Variants in CSMD1 observed in about 807,000 individuals in gnomAD.
The protein encoded by CSMD1 is CUB and sushi domain-containing protein 1.
A neutral mutation model predicts 417.5 loss-of-function variants in CSMD1; 213 were observed. The observed-to-expected ratio is 0.51, with a 90% CI of 0.46 to 0.57. The LOEUF is 0.57. CSMD1 is among the 20% of genes least tolerant of loss of function. The pLI is 0.00. For synonymous variants in CSMD1, 2,862 were observed against 1,736.8 expected (o/e 1.65, Z -16.11); for missense variants, 6,923 against 4,529.7 (o/e 1.53, Z -15.17).
chr8:3,161,518 G>A (rs1287016380), intron 38 of CSMD1, among the ~76,000 whole-genome samples: 1 of 151,314 alleles, frequency 6.6e-6, no homozygotes, highest in Non-Finnish European at 1.5e-5. Flanking sequence ...TTGGGAGGCT[G>A]AGGCAGGAGA....
At chr8:4,235,936 T>C (rs1178210099) in intron 3 of CSMD1, among the ~76,000 whole-genome samples, 3 of 152,022 alleles carry the variant, frequency 2.0e-5, no homozygotes, top group Non-Finnish European at 4.4e-5. Context: ...CATTTGTGTT[T>C]ACCGTGAAAT....
chr8:4,794,813 G>A (rs1165080537), intron 1 of CSMD1, among the ~76,000 whole-genome samples: 2 of 152,148 alleles, frequency 1.3e-5, no homozygotes, highest in South Asian at 4.1e-4. Context: ...GCACTCAATG[G>A]TCCAAGTTAC....
At chr8:4,938,505 A>G (rs1265168264) in intron 1 of CSMD1, among the ~76,000 whole-genome samples, 3 of 152,222 alleles carry the variant, frequency 2.0e-5, no homozygotes, top group Non-Finnish European at 4.4e-5. Flanking sequence ...TCGATGGTAT[A>G]GACACCTGGT....
intron 23 of CSMD1, among the ~76,000 whole-genome samples, chr8:3,328,480 C>T (rs1041861308): frequency 2.0e-5 from 3 of 152,202 alleles, no homozygotes; most frequent in African/African-American, 7.2e-5. Flanking sequence ...TGTTGCTACA[C>T]CCTCCAAATA....
chr8:4,081,001 T>A (rs924745753), intron 3 of CSMD1, among the ~76,000 whole-genome samples: 1 of 152,112 alleles, frequency 6.6e-6, no homozygotes, highest in African/African-American at 2.4e-5. Context: ...ACAGTATTCA[T>A]CCCCTTTTCG....
intron 1 of CSMD1, among the ~76,000 whole-genome samples, chr8:4,652,115 T>A (rs1390845198): frequency 1.3e-5 from 2 of 152,212 alleles, no homozygotes; most frequent in Middle Eastern, 3.4e-3. Flanking sequence ...AAATTAATAA[T>A]AAAGGAGATT....
At chr8:3,963,348 C>T (rs189022486) in intron 5 of CSMD1, among the ~76,000 whole-genome samples, 57 of 152,206 alleles carry the variant, frequency 3.7e-4, no homozygotes, top group African/African-American at 1.3e-3. Flanking sequence ...TTGGAAAGAA[C>T]GTGTGGTGTT....
intron 2 of CSMD1, among the ~76,000 whole-genome samples, chr8:4,453,739 G>T (rs79363637): frequency 4.0e-5 from 6 of 149,912 alleles, no homozygotes; most frequent in African/African-American, 4.9e-5. Context: ...ATCCCCAAAC[G>T]TAATTCCGGG....
chr8:4,241,491 G>T (rs997045383), intron 3 of CSMD1, among the ~76,000 whole-genome samples: 1 of 152,140 alleles, frequency 6.6e-6, no homozygotes, highest in Non-Finnish European at 1.5e-5. Context: ...GTGAGGATGT[G>T]TCTTTGAATG....
chr8:4,366,989 G>C (rs539273693), intron 3 of CSMD1, among the ~76,000 whole-genome samples: 2 of 152,182 alleles, frequency 1.3e-5, no homozygotes, highest in Admixed American at 6.5e-5. Context: ...CTCCCATTCT[G>C]GAGGTTGTCT....
rs971957404 is a variant in CSMD1 at position 2,987,792 on chromosome 8, A to C, written c.8378-8992T>G. On this transcript the variant is annotated intron_variant, in intron 54 of 69. Coordinates refer to ENST00000635120, the MANE Select transcript of CSMD1 (RefSeq NM_033225.6). ...GCAGCTTCGGGGAGACTGGAGTCTCAGGGTCCCTGGGCTCACACCAACCTC... is the reference window on the plus strand; with the variant it reads ...GCAGCTTCGGGGAGACTGGAGTCTCCGGGTCCCTGGGCTCACACCAACCTC... Among the ~76,000 whole-genome samples, 3 of 152,200 alleles carry C rather than the reference A, an allele frequency of 2.0e-5. No individual in the cohort carries two copies. In the East Asian group the frequency reaches 5.8e-4, roughly 29 times the overall value.
At chr8:4,431,846 G>C (rs572013634) in intron 2 of CSMD1, among the ~76,000 whole-genome samples, 242 of 152,104 alleles carry the variant, frequency 1.6e-3, no homozygotes, top group African/African-American at 5.5e-3. Flanking sequence ...CGAAATGTGG[G>C]CCTATTTTCT....
At chr8:3,583,545 GGA>G (rs1231332435) in intron 9 of CSMD1, among the ~76,000 whole-genome samples, 1 of 152,034 alleles carries the variant, frequency 6.6e-6, no homozygotes, top group African/African-American at 2.4e-5. Flanking sequence ...GGACAGCTAA[GGA>G]GAGTTGCAGG....
intron 26 of CSMD1, among the ~76,000 whole-genome samples, chr8:3,281,981 C>T (rs10105689): frequency 0.73 from 110,243 of 151,932 alleles, 40,875 homozygotes; most frequent in Admixed American, 0.83. Context: ...TCCCCTTCCC[C>T]GGTCGTGGAA....
intron 7 of CSMD1, among the ~76,000 whole-genome samples, chr8:3,657,211 C>T (rs1015359308): frequency 1.3e-5 from 2 of 152,160 alleles, no homozygotes; most frequent in Non-Finnish European, 2.9e-5. Flanking sequence ...TACATCATTT[C>T]ATTATGCCTT....
At chr8:3,248,667 G>C (rs535617053) in intron 26 of CSMD1, among the ~76,000 whole-genome samples, 12 of 151,244 alleles carry the variant, frequency 7.9e-5, no homozygotes, top group Admixed American at 1.3e-4. Flanking sequence ...AGCAATACTT[G>C]ATTTGTTTTT....
intron 3 of CSMD1, among the ~76,000 whole-genome samples, chr8:4,134,121 C>A (rs79214118): frequency 9.6e-4 from 146 of 152,146 alleles, no homozygotes; most frequent in African/African-American, 3.4e-3. Context: ...ATAAGAATAT[C>A]AAATTTTCTT....
intron 23 of CSMD1, among the ~76,000 whole-genome samples, chr8:3,318,702 T>C (rs1432373502): frequency 6.6e-6 from 1 of 152,150 alleles, no homozygotes; most frequent in Non-Finnish European, 1.5e-5. Context: ...CATTTGCTTT[T>C]TGGGTGGTGG....
At chr8:4,365,674 G>C (rs891436191) in intron 3 of CSMD1, among the ~76,000 whole-genome samples, 10 of 152,150 alleles carry the variant, frequency 6.6e-5, no homozygotes, top group Non-Finnish European at 1.5e-4. Context: ...TAAAACCTAA[G>C]GCAAACTCCA....
Sources: gnomAD v4.1 joint callset for allele counts (sites outside exome capture counted in the v4.1 genomes callset) on GRCh38, gnomAD v4.1.1 for gene constraint, MANE v1.5 for transcripts, NCBI Gene and HGNC (gene_info 2026-07-23, HGNC 2026-07-21) for gene names.